The following OGDH variants were observed in gnomAD, a reference collection of about 807,000 sequenced individuals.
The protein encoded by OGDH is oxoglutarate dehydrogenase, also known as 2-oxoglutarate dehydrogenase complex component E1.
A neutral mutation model predicts 116.6 loss-of-function variants in OGDH; 38 were observed. That is an observed-to-expected ratio of 0.33 (90% confidence interval 0.25 to 0.43). OGDH has a LOEUF of 0.43. Among genes scored for constraint, OGDH ranks in the 20% least tolerant of loss-of-function variants. The probability of loss-of-function intolerance (pLI) is 1.00; values close to 1 mark genes in which losing one functional copy is unlikely to be tolerated. For synonymous variants in OGDH, 488 were observed against 533.3 expected (o/e 0.92, Z 1.17); for missense variants, 825 against 1,357.2 (o/e 0.61, Z 6.16).
intron 4 of OGDH, among the ~76,000 whole-genome samples, chr7:44,653,356 G>C (rs930599063): frequency 6.6e-6 from 1 of 152,146 alleles, no homozygotes; most frequent in East Asian, 1.9e-4. Context: ...GACTCCCAAA[G>C]TGTTGGGATT....
intron 2 of OGDH, among the ~76,000 whole-genome samples, chr7:44,642,068 T>C (rs143477483): frequency 6.6e-6 from 1 of 152,338 alleles, no homozygotes; most frequent in African/African-American, 2.4e-5. Context: ...AGAATCTCTT[T>C]GGAGATTCCA....
chr7:44,662,267 A>G (rs1195753090), intron 4 of OGDH, among the ~76,000 whole-genome samples: 1 of 151,918 alleles, frequency 6.6e-6, no homozygotes, highest in African/African-American at 2.4e-5. Flanking sequence ...TCTGTTTAAA[A>G]TACTTCCTTT....
chr7:44,675,055 G>A (rs1259704926), intron 7 of OGDH, 123 bp from the exon 8 acceptor site: 1 of 741,072 alleles, frequency 1.3e-6, no homozygotes, highest in Non-Finnish European at 2.3e-6. Flanking sequence ...CTATCCTTGG[G>A]CTGCAAACCG....
chr7:44,707,444 G>A lies in OGDH; in HGVS notation c.2796+56G>A, dbSNP rs1789132454. The A allele has an allele frequency of 1.2e-6, 2 of 1,606,448 alleles. No individual in the cohort carries two copies. The highest frequency in any genetic ancestry group is 2.7e-5 in the African/African-American group (2 of 74,734). ...CCCCAGCGGGGGTCAGGGCTCTGGT[G>A]CCTTCACAGAACAGCCTTGCTTGGG... On this transcript the variant is annotated intron_variant, in intron 21 of 22. Transcript: ENST00000222673. The surrounding 1 kb of genome is among the most constrained non-coding windows in gnomAD (Gnocchi z 5.2).
chr7:44,613,755 CA>C (rs1784658364), intron 1 of OGDH, among the ~76,000 whole-genome samples: 1 of 151,012 alleles, frequency 6.6e-6, no homozygotes, highest in Non-Finnish European at 1.5e-5. Context: ...ATCGGCCTCC[CA>C]AAGTGCTGGG....
At chr7:44,608,196 A>C (rs1422048711) in intron 1 of OGDH, among the ~76,000 whole-genome samples, 1 of 152,126 alleles carries the variant, frequency 6.6e-6, no homozygotes, top group Non-Finnish European at 1.5e-5. Context: ...AGCTCAGTTC[A>C]AGGAGACCAG....
At chr7:44,668,314 G>A (rs1055087399) in intron 5 of OGDH, among the ~76,000 whole-genome samples, 2 of 152,156 alleles carry the variant, frequency 1.3e-5, no homozygotes, top group African/African-American at 4.8e-5. Context: ...GTGGGCTCCT[G>A]TAATCCCAGC....
chr7:44,663,732 C>T (rs527825656), intron 4 of OGDH, among the ~76,000 whole-genome samples: 1 of 152,226 alleles, frequency 6.6e-6, no homozygotes, highest in Admixed American at 6.5e-5. Flanking sequence ...TGAGATGGTG[C>T]CACGGCACTC....
intron 1 of OGDH, among the ~76,000 whole-genome samples, chr7:44,618,039 G>A (rs1346318228): frequency 1.3e-5 from 2 of 152,078 alleles, no homozygotes; most frequent in African/African-American, 2.4e-5. Flanking sequence ...TAAGTATATC[G>A]TTTCCTAAGG....
intron 9 of OGDH, among the ~76,000 whole-genome samples, chr7:44,676,948 G>A (rs1020405398): frequency 3.3e-5 from 5 of 152,176 alleles, no homozygotes; most frequent in African/African-American, 1.2e-4. Context: ...GTAGGAGACG[G>A]AGGAGGGCAC....
intron 4 of OGDH, among the ~76,000 whole-genome samples, chr7:44,659,346 A>G (rs1461934628): frequency 6.6e-6 from 1 of 152,130 alleles, no homozygotes; most frequent in East Asian, 1.9e-4. Flanking sequence ...GATGAGGGAT[A>G]TTGGTCATTT....
At chr7:44,705,819 T>C (rs1789046163) in intron 20 of OGDH, among the ~76,000 whole-genome samples, 1 of 152,228 alleles carries the variant, frequency 6.6e-6, no homozygotes, top group Non-Finnish European at 1.5e-5. Context: ...TGCGTAGTGC[T>C]TAAGTCAGGG....
chr7:44,653,928 C>G (rs1786569912), intron 4 of OGDH, among the ~76,000 whole-genome samples: 1 of 152,062 alleles, frequency 6.6e-6, no homozygotes, highest in Admixed American at 6.5e-5. Flanking sequence ...GATCTCAGCT[C>G]ACTGCAACCT....
chr7:44,705,361 A>G (rs371666183), intron 20 of OGDH, among the ~76,000 whole-genome samples: 21 of 151,934 alleles, frequency 1.4e-4, no homozygotes, highest in African/African-American at 5.1e-4. Flanking sequence ...CAAGTTTTTA[A>G]TTTTCATGAA....
At chr7:44,635,437 C>T (rs1341730013) in intron 2 of OGDH, among the ~76,000 whole-genome samples, 1 of 152,146 alleles carries the variant, frequency 6.6e-6, no homozygotes, top group African/African-American at 2.4e-5. Context: ...GGAGCCTGCC[C>T]CACCCGCGCC....
rs1236043755 is a variant in OGDH, at chr7:44,697,445, T to G, written c.2127T>G (p.Asn709Lys). ...TCCCCATGAACCATCTCTGGCCCAA[T>G]CAGGCCCCCTATACTGTGTGCAACA... Reference protein sequence around the residue: ...TCIPMNHLWPNQAPYTVCNSS... With the variant: ...TCIPMNHLWPKQAPYTVCNSS... Residue 709 changes from asparagine to lysine, a missense_variant, in exon 16 of 23, where the codon AAT (asparagine) becomes AAG (lysine). This residue lies in a region of OGDH where 73 missense variants were observed against 182.3 expected (regional missense o/e 0.40). Transcript: ENST00000222673. This position sits in a 1 kb window ranked among gnomAD's most constrained non-coding sequence, Gnocchi z 6.0. The G allele has an allele frequency of 6.2e-7, 1 of 1,614,174 alleles. No individual in the cohort carries two copies. The highest frequency in any genetic ancestry group is 8.5e-7 in the Non-Finnish European group (1 of 1,180,024).
At chr7:44,695,011 G>A (rs1367613106) in intron 12 of OGDH, among the ~76,000 whole-genome samples, 1 of 152,164 alleles carries the variant, frequency 6.6e-6, no homozygotes, top group African/African-American at 2.4e-5. Context: ...ATCTGAGCAT[G>A]GGAACAGGAC....
chr7:44,636,935 G>A (rs1157757442), intron 2 of OGDH, among the ~76,000 whole-genome samples: 1 of 152,122 alleles, frequency 6.6e-6, no homozygotes, highest in East Asian at 1.9e-4. Context: ...GTGGGGTGGG[G>A]GGGCACACAA....
At chr7:44,607,916 A>G (rs1257856000) in intron 1 of OGDH, among the ~76,000 whole-genome samples, 2 of 152,004 alleles carry the variant, frequency 1.3e-5, no homozygotes, top group Non-Finnish European at 2.9e-5. Context: ...TGGCCAGGCT[A>G]TTCTCGAACT....
Sources: allele counts gnomAD v4.1 joint callset (sites outside exome capture counted in the v4.1 genomes callset), GRCh38; gene constraint gnomAD v4.1.1; regional missense constraint gnomAD v4.1.1; non-coding constraint Gnocchi (gnomAD v3.1); transcripts MANE v1.5; gene names NCBI Gene and HGNC (gene_info 2026-07-23, HGNC 2026-07-21).